CAMK1D: variants seen among roughly 807,000 people sequenced by gnomAD.
The protein encoded by CAMK1D is calcium/calmodulin dependent protein kinase ID, also known as calcium/calmodulin-dependent protein kinase type 1D.
A neutral mutation model predicts 47.7 loss-of-function variants in CAMK1D; 9 were observed. The ratio of observed to expected loss-of-function variants is 0.19; its 90% confidence interval spans 0.11 to 0.33. The LOEUF (loss-of-function observed/expected upper bound fraction) is 0.33. Ranked by LOEUF, CAMK1D falls within the 10% of genes least tolerant of loss-of-function variation. The pLI, the probability that CAMK1D is intolerant of heterozygous loss-of-function variation, is 1.00. For synonymous variants in CAMK1D, 184 were observed against 184.9 expected, an observed-to-expected ratio of 0.99 and a Z score of 0.04; for missense variants, 291 against 488.7, an observed-to-expected ratio of 0.60 and a Z score of 3.81.
chr10:12,576,133 GTTTA>G (rs1181547179), intron 2 of CAMK1D, among the ~76,000 whole-genome samples: 5 of 152,242 alleles, frequency 3.3e-5, no homozygotes, highest in African/African-American at 1.2e-4. Flanking sequence ...AAGTAAAATA[GTTTA>G]TTTATGTTGT....
chr10:12,472,910 C>T (rs1299613920), intron 1 of CAMK1D, among the ~76,000 whole-genome samples: 1 of 152,178 alleles, frequency 6.6e-6, no homozygotes, highest in Admixed American at 6.5e-5. Flanking sequence ...TCAGTTCTTG[C>T]CTTGCAGGAA....
intron 3 of CAMK1D, among the ~76,000 whole-genome samples, chr10:12,670,028 A>AT (rs1462027407): frequency 6.6e-6 from 1 of 152,046 alleles, no homozygotes; most frequent in Admixed American, 6.5e-5. Flanking sequence ...TGTTTGAGTA[A>AT]AGACCTAGGA....
At chr10:12,676,823 C>T (rs938760256) in intron 3 of CAMK1D, among the ~76,000 whole-genome samples, 1 of 152,176 alleles carries the variant, frequency 6.6e-6, no homozygotes, top group African/African-American at 2.4e-5. Context: ...AAGCAGAGCT[C>T]ACCAGAAAAT....
rs965648521 is a variant in CAMK1D, at chr10:12,476,019, G to T, written c.93-77206G>T. On this transcript the variant is annotated intron_variant, in intron 1 of 10. Transcript: ENST00000619168. The stretch of plus-strand genomic sequence containing the variant: ...AGGAAGAGAGAAGTCTAGGCCGGGT[G>T]GGGTGGCTCATGCCTGTAATTCCAG... 2.0e-5 allele frequency among the ~76,000 whole-genome samples: 3 copies of T among 152,170 alleles called. No homozygotes were observed. In the East Asian group the frequency reaches 5.8e-4, roughly 29 times the overall value.
chr10:12,745,185 C>T (rs1005493934), intron 3 of CAMK1D, among the ~76,000 whole-genome samples: 1 of 152,176 alleles, frequency 6.6e-6, no homozygotes, highest in African/African-American at 2.4e-5. Context: ...CACCCACCAC[C>T]ACGCCCAGCC....
chr10:12,739,521 C>G (rs1034696155), intron 3 of CAMK1D, among the ~76,000 whole-genome samples: 4 of 150,070 alleles, frequency 2.7e-5, no homozygotes, highest in Middle Eastern at 6.4e-3. Context: ...GAACTCCTGA[C>G]CTCGTGATCC....
At chr10:12,767,934 G>A (rs377404696) in intron 4 of CAMK1D, among the ~76,000 whole-genome samples, 5 of 152,150 alleles carry the variant, frequency 3.3e-5, no homozygotes, top group African/African-American at 1.2e-4. Context: ...GTGCAATGGC[G>A]CGATCTTGGC....
At chr10:12,649,351 G>A (rs895254055) in intron 2 of CAMK1D, among the ~76,000 whole-genome samples, 7 of 152,218 alleles carry the variant, frequency 4.6e-5, no homozygotes, top group African/African-American at 1.7e-4. Context: ...AAAGAAAGGG[G>A]AGGTCGGCTG....
chr10:12,564,865 A>G (rs1434374334), intron 2 of CAMK1D, among the ~76,000 whole-genome samples: 1 of 152,224 alleles, frequency 6.6e-6, no homozygotes, highest in Non-Finnish European at 1.5e-5. Flanking sequence ...ACACATGTAA[A>G]TGTACTATAT....
chr10:12,577,864 T>C (rs1837540467), intron 2 of CAMK1D, among the ~76,000 whole-genome samples: 1 of 152,178 alleles, frequency 6.6e-6, no homozygotes, highest in Admixed American at 6.5e-5. Flanking sequence ...CTAATGTCAT[T>C]CCCAGGATCC....
chr10:12,445,213 G>C (rs1832892868), intron 1 of CAMK1D, among the ~76,000 whole-genome samples: 1 of 152,270 alleles, frequency 6.6e-6, no homozygotes. Context: ...AGGTGTGTCC[G>C]ATCCTCCCTT....
At chr10:12,799,926 G>A (rs1838356058) in intron 6 of CAMK1D, among the ~76,000 whole-genome samples, 1 of 152,116 alleles carries the variant, frequency 6.6e-6, no homozygotes, top group African/African-American at 2.4e-5. Flanking sequence ...TAAGGAGTGG[G>A]TTTCCCTTTT....
At chr10:12,668,657 C>A (rs1840509297) in intron 3 of CAMK1D, among the ~76,000 whole-genome samples, 3 of 152,206 alleles carry the variant, frequency 2.0e-5, no homozygotes, top group Non-Finnish European at 2.9e-5. Flanking sequence ...TGTATCATTT[C>A]ATCACTATGC....
intron 3 of CAMK1D, among the ~76,000 whole-genome samples, chr10:12,738,618 G>T (rs1333039779): frequency 6.6e-6 from 1 of 151,644 alleles, no homozygotes; most frequent in African/African-American, 2.4e-5. Context: ...GTATCACGAG[G>T]TCAGGAGATC....
chr10:12,431,143 T>C (rs77925075), intron 1 of CAMK1D, among the ~76,000 whole-genome samples: 2,008 of 152,372 alleles, frequency 0.013, 23 homozygotes, highest in Non-Finnish European at 0.02. Context: ...AAATTATGCT[T>C]TCTCCACCTT....
In CAMK1D at chr10:12,769,687, G is replaced by A. The variant is rs566744334; in HGVS notation, c.453G>A (p.Leu151=). The A allele has an allele frequency of 9.9e-6, 16 of 1,614,020 alleles. No homozygotes were observed. Among genetic ancestry groups the A allele is most frequent in the Non-Finnish European group, 1.3e-5 (15 of 1,180,016 alleles). The change falls in exon 5 of 11, where the codon TTG becomes TTA. Residue 151 remains leucine, a synonymous_variant. Coordinates refer to ENST00000619168, the MANE Select transcript of CAMK1D (RefSeq NM_153498.4). The part of the protein sequence containing the change: ...VHRDLKPENL[L]YYSQDEESKI... ...TTTCTTTCTAGCCCGAAAATCTCTT[G>A]TACTACAGTCAAGATGAGGAGTCCA...
chr10:12,399,716 A>G (rs1839104479), intron 1 of CAMK1D, among the ~76,000 whole-genome samples: 2 of 152,116 alleles, frequency 1.3e-5, no homozygotes, highest in Admixed American at 1.3e-4. Context: ...TATTCACTAA[A>G]ATGTATTTGC....
At chr10:12,623,704 A>G (rs115582377) in intron 2 of CAMK1D, among the ~76,000 whole-genome samples, 1 of 150,954 alleles carries the variant, frequency 6.6e-6, no homozygotes, top group Non-Finnish European at 1.5e-5. Flanking sequence ...TTTTACATAC[A>G]TGCTCCCTTT....
chr10:12,741,034 G>A (rs1249702375), intron 3 of CAMK1D, among the ~76,000 whole-genome samples: 1 of 152,190 alleles, frequency 6.6e-6, no homozygotes, highest in Admixed American at 6.5e-5. Context: ...TCCTTTTGAT[G>A]GAAGAGACTG....
Sources: gnomAD v4.1 joint callset for allele counts (sites outside exome capture counted in the v4.1 genomes callset) on GRCh38, gnomAD v4.1.1 for gene constraint, MANE v1.5 for transcripts, NCBI Gene and HGNC (gene_info 2026-07-23, HGNC 2026-07-21) for gene names.